The following ADCY8 variants were observed in gnomAD, a reference collection of about 807,000 sequenced individuals.
ADCY8 encodes the protein adenylate cyclase type 8.
In ADCY8, 51 loss-of-function variants were observed where a neutral mutation model predicts 119.7. The observed-to-expected ratio is 0.43, with a 90% CI of 0.34 to 0.54. ADCY8 has a LOEUF of 0.54. Ranked by LOEUF, ADCY8 falls within the 20% of genes least tolerant of loss-of-function variation. ADCY8 has a pLI of 0.03. For missense variants in ADCY8, 1,383 were observed against 1,598.8 expected (o/e 0.87, Z 2.30); for synonymous variants, 665 against 651.0 (o/e 1.02, Z -0.33).
At chr8:130,920,743 G>C (rs1820276615) in intron 5 of ADCY8, among the ~76,000 whole-genome samples, 1 of 152,140 alleles carries the variant, frequency 6.6e-6, no homozygotes, top group Admixed American at 6.5e-5. Flanking sequence ...TGTTTTTTTA[G>C]GTGAGATGAA....
intron 2 of ADCY8, among the ~76,000 whole-genome samples, chr8:130,980,426 A>C (rs1325026126): frequency 6.6e-6 from 1 of 152,188 alleles, no homozygotes; most frequent in Non-Finnish European, 1.5e-5. Context: ...AATTGCAGGG[A>C]ACCAAAGGGT....
intron 3 of ADCY8, among the ~76,000 whole-genome samples, chr8:130,949,106 A>C (rs577709916): frequency 6.6e-6 from 1 of 152,092 alleles, no homozygotes; most frequent in Admixed American, 6.5e-5. Context: ...ACTTCTGGAA[A>C]AGGGTCTCCA....
intron 5 of ADCY8, among the ~76,000 whole-genome samples, chr8:130,920,144 TAA>T (rs71304399): frequency 2.3e-4 from 23 of 99,810 alleles, no homozygotes; most frequent in East Asian, 6.8e-4. Context: ...CTCCGTTTCT[TAA>T]AAAAAAAAAA....
At chr8:131,035,428 T>C (rs886307175) in intron 1 of ADCY8, among the ~76,000 whole-genome samples, 1 of 152,194 alleles carries the variant, frequency 6.6e-6, no homozygotes, top group East Asian at 1.9e-4. Flanking sequence ...ATGTTTGTAG[T>C]GTGTTAATTG....
At position 130,803,737 on chromosome 8, in the gene ADCY8, G is replaced by T. The variant is rs529964737; in HGVS notation, c.2914-3165C>A. On this transcript the variant is annotated intron_variant, in intron 14 of 17. Coordinates refer to ENST00000286355, the MANE Select transcript of ADCY8 (RefSeq NM_001115.3). Reference sequence around the variant, plus strand: ...ATCACACAGCTAGTAGTGGAAGAGAGGATCAGAGGACTCCCAAGGCCTTTC... The same window carrying T: ...ATCACACAGCTAGTAGTGGAAGAGATGATCAGAGGACTCCCAAGGCCTTTC... Among the ~76,000 whole-genome samples the T allele has an allele frequency of 1.2e-4, 19 of 152,324 alleles. No individual in the cohort carries two copies. In the South Asian group the frequency reaches 3.9e-3, roughly 32 times the overall value.
chr8:130,829,976 G>T (rs263273), intron 12 of ADCY8, among the ~76,000 whole-genome samples: 6 of 152,028 alleles, frequency 3.9e-5, no homozygotes, highest in South Asian at 2.1e-4. Flanking sequence ...TACCCCAGGA[G>T]GAGCCCTAGC....
intron 5 of ADCY8, among the ~76,000 whole-genome samples, chr8:130,918,513 T>A (rs576741244): frequency 1.1e-4 from 16 of 152,286 alleles, no homozygotes; most frequent in African/African-American, 1.7e-4. Context: ...CCTATTTTTT[T>A]AAAAAAACTA....
intron 1 of ADCY8, among the ~76,000 whole-genome samples, chr8:131,024,887 G>A (rs551465103): frequency 6.6e-6 from 1 of 152,252 alleles, no homozygotes; most frequent in Admixed American, 6.5e-5. Context: ...CAAGTTATGT[G>A]TTCTATAAGA....
chr8:130,809,932 C>T (rs892868229), intron 14 of ADCY8, among the ~76,000 whole-genome samples: 3 of 152,240 alleles, frequency 2.0e-5, no homozygotes, highest in African/African-American at 7.2e-5. Context: ...GGAGGCTGTA[C>T]ATTCGGTTCC....
intron 5 of ADCY8, among the ~76,000 whole-genome samples, chr8:130,925,014 T>A (rs1375000953): frequency 1.4e-5 from 2 of 146,022 alleles, no homozygotes; most frequent in Non-Finnish European, 3.0e-5. Context: ...AGAAACACAG[T>A]GAAACCCAGT....
chr8:130,839,141 A>G lies in ADCY8; in HGVS notation c.2503-2692T>C, dbSNP rs1242408693. Among the ~76,000 whole-genome samples, 2 of 139,554 alleles carry G rather than the reference A, an allele frequency of 1.4e-5. 1 individual carries two copies. Among genetic ancestry groups the G allele is most frequent in the Admixed American group, 1.5e-4 (2 of 13,678 alleles). 91.6% of individuals were successfully genotyped at this position (139,554 alleles called of 152,430 possible). On this transcript the variant is annotated intron_variant, in intron 11 of 17. Transcript: ENST00000286355. ...CATACAACTACTCATAAAGAGAACT[A>G]GTAACACAAGCAGAAGAAAAGATTT...
At chr8:131,032,356 G>A (rs1194678437) in intron 1 of ADCY8, among the ~76,000 whole-genome samples, 1 of 152,126 alleles carries the variant, frequency 6.6e-6, no homozygotes, top group African/African-American at 2.4e-5. Context: ...AACCCCAGTA[G>A]CTATAAAGTA....
At chr8:130,817,739 CT>C (rs1816390092) in intron 13 of ADCY8, among the ~76,000 whole-genome samples, 1 of 152,146 alleles carries the variant, frequency 6.6e-6, no homozygotes, top group Non-Finnish European at 1.5e-5. Flanking sequence ...AGGGAAAAAA[CT>C]TATGGGGAAA....
At chr8:130,897,131 C>T (rs1484629501) in intron 7 of ADCY8, among the ~76,000 whole-genome samples, 1 of 152,020 alleles carries the variant, frequency 6.6e-6, no homozygotes, top group Admixed American at 6.6e-5. Flanking sequence ...ATTTCAATTC[C>T]TGCAGAGATT....
intron 2 of ADCY8, among the ~76,000 whole-genome samples, chr8:130,985,153 G>T (rs1822362238): frequency 6.6e-6 from 1 of 152,036 alleles, no homozygotes; most frequent in Non-Finnish European, 1.5e-5. Flanking sequence ...GGGGTTGGGG[G>T]GTGACTCAGC....
chr8:130,812,111 C>T (rs1421477050), intron 14 of ADCY8, among the ~76,000 whole-genome samples: 1 of 152,172 alleles, frequency 6.6e-6, no homozygotes, highest in African/African-American at 2.4e-5. Context: ...CATCCTAGGC[C>T]TCATCACCAG....
rs145523768 is a variant in ADCY8 at position 130,844,746 on chromosome 8, T to C, written c.2502+2678A>G. ...TCAACTGGTGGGTCAGATCAGGTGG[T>C]TGTTGCAGCTGGTGAATTTGGCCTG... On this transcript the variant is annotated intron_variant, in intron 11 of 17. Coordinates refer to ENST00000286355, the MANE Select transcript of ADCY8 (RefSeq NM_001115.3). 3.9e-3 allele frequency among the ~76,000 whole-genome samples: 599 copies of C among 152,272 alleles called. 2 individuals are homozygous for C. The highest frequency in any genetic ancestry group is 6.2e-3 in the Non-Finnish European group (425 of 68,016).
chr8:130,818,531 A>G (rs189214054), intron 13 of ADCY8, among the ~76,000 whole-genome samples: 21 of 152,186 alleles, frequency 1.4e-4, no homozygotes, highest in African/African-American at 5.1e-4. Flanking sequence ...AAAATTTCCA[A>G]TTATTCAGTT....
chr8:130,953,096 T>C (rs1007914876), intron 2 of ADCY8, among the ~76,000 whole-genome samples: 1 of 152,232 alleles, frequency 6.6e-6, no homozygotes, highest in Admixed American at 6.5e-5. Context: ...GGCAAGAGGC[T>C]GGCTTCTGAC....
Sources: allele counts gnomAD v4.1 joint callset (sites outside exome capture counted in the v4.1 genomes callset), GRCh38; gene constraint gnomAD v4.1.1; transcripts MANE v1.5; gene names NCBI Gene and HGNC (gene_info 2026-07-23, HGNC 2026-07-21).